Variants in MAPKAPK5 observed in about 807,000 individuals in gnomAD.
MAPKAPK5 encodes MAPK activated protein kinase 5.
A neutral mutation model predicts 65.1 loss-of-function variants in MAPKAPK5; 30 were observed. The observed-to-expected ratio is 0.46, with a 90% CI of 0.34 to 0.63. The LOEUF (loss-of-function observed/expected upper bound fraction) is 0.63, where lower values mean the gene tolerates loss of function less well. MAPKAPK5 is among the 20% of genes least tolerant of loss of function. The pLI is 0.01. For missense variants in MAPKAPK5, 433 were observed against 581.4 expected, an observed-to-expected ratio of 0.74 and a Z score of 2.63; for synonymous variants, 179 against 204.6, an observed-to-expected ratio of 0.87 and a Z score of 1.07.
At chr12:111,870,230 T>G in intron 5 of MAPKAPK5, 41 bp from the exon 6 acceptor site, 4 of 1,463,496 alleles carry the variant, frequency 2.7e-6, no homozygotes, top group Non-Finnish European at 3.8e-6. Flanking sequence ...TAAAGAGTGG[T>G]CTTTTCTAAG....
At chr12:111,844,135 G>T (rs566581482) in intron 1 of MAPKAPK5, among the ~76,000 whole-genome samples, 38 of 151,368 alleles carry the variant, frequency 2.5e-4, no homozygotes, top group African/African-American at 8.7e-4. Flanking sequence ...GGAAGACGAG[G>T]TTTTAAATCA....
In MAPKAPK5 at chr12:111,883,884, A is replaced by G. The variant is rs1184424282; in HGVS notation, c.848+116A>G. The G allele has an allele frequency of 9.7e-7, 1 of 1,027,354 alleles. No individual in the cohort carries two copies. Among genetic ancestry groups the G allele is most frequent in the Non-Finnish European group, 1.4e-6 (1 of 719,798 alleles). The allele number at this position is 1,027,354 out of a possible 1,614,324, so 63.6% of individuals were successfully genotyped here. Reference sequence around the variant, plus strand: ...CCTAGGCAGGCTCCTCCCCGTTTTAATATCACAGAAATCTCTCTGGAGCCT... The same window carrying G: ...CCTAGGCAGGCTCCTCCCCGTTTTAGTATCACAGAAATCTCTCTGGAGCCT... On this transcript the variant is annotated intron_variant, in intron 9 of 13. Transcript: ENST00000550735. The surrounding 1 kb of genome is among the most constrained non-coding windows in gnomAD (Gnocchi z 4.8).
intron 7 of MAPKAPK5, among the ~76,000 whole-genome samples, chr12:111,877,811 G>T (rs922587333): frequency 1.3e-5 from 2 of 152,044 alleles, no homozygotes; most frequent in Non-Finnish European, 2.9e-5. Context: ...CTCCTTAGGA[G>T]CTGGGACCAT....
At chr12:111,848,476 C>T (rs561580079) in intron 1 of MAPKAPK5, among the ~76,000 whole-genome samples, 8 of 149,628 alleles carry the variant, frequency 5.3e-5, no homozygotes, top group African/African-American at 1.7e-4. Flanking sequence ...CACAGTGGCA[C>T]GATCTCGGCT....
At position 111,892,923 on chromosome 12, in the gene MAPKAPK5, C is replaced by T. The variant is rs370536412; in HGVS notation, c.1322-44C>T. The T allele has an allele frequency of 2.8e-6, 4 of 1,440,028 alleles. No homozygotes were observed. The African/African-American group carries it at 5.7e-5, about 20-fold the overall frequency. 89.2% of individuals were successfully genotyped at this position (1,440,028 alleles called of 1,614,324 possible). A position where few individuals can be genotyped will look rare whatever the true frequency, so the allele number is the denominator to read the frequency against. ...GGTCTCTGTCAAGAGTCTGCCACCT[C>T]TCAAAGAATTTGAGGACTGACCTTG... On this transcript the variant is annotated intron_variant, in intron 13 of 13. Transcript: ENST00000550735.
At chr12:111,874,093 A>G (rs2069872379) in intron 7 of MAPKAPK5, among the ~76,000 whole-genome samples, 1 of 152,126 alleles carries the variant, frequency 6.6e-6, no homozygotes, top group South Asian at 2.1e-4. Flanking sequence ...GCTGTTGGAA[A>G]TGATATTGTA....
At chr12:111,842,831 C>G in intron 1 of MAPKAPK5, 62 bp downstream of exon 1, 1 of 1,264,186 alleles carries the variant, frequency 7.9e-7, no homozygotes, top group Non-Finnish European at 1.0e-6. Flanking sequence ...CGGCTCTAGC[C>G]TCAAAAAGCA....
At chr12:111,848,620 C>G (rs1297971607) in intron 1 of MAPKAPK5, among the ~76,000 whole-genome samples, 2 of 150,912 alleles carry the variant, frequency 1.3e-5, no homozygotes, top group Non-Finnish European at 2.9e-5. Context: ...ACCATGTTGG[C>G]CAGGCTGGTC....
In MAPKAPK5 at chr12:111,900,302, G is replaced by A. The variant is rs1365210469; in HGVS notation, c.*7241G>A. ...GTGGTGCCTGCTCAAGCGGTTTTGCGGCAGCTGTTGAATCCTTCCATCATG... is the reference window on the plus strand; with the variant it reads ...GTGGTGCCTGCTCAAGCGGTTTTGCAGCAGCTGTTGAATCCTTCCATCATG... On this transcript the variant is annotated 3_prime_UTR_variant, in exon 14 of 14. Coordinates refer to ENST00000550735, the MANE Select transcript of MAPKAPK5 (RefSeq NM_003668.4). 5 of 455,894 alleles carry A rather than the reference G, an allele frequency of 1.1e-5. No individual in the cohort carries two copies. Among genetic ancestry groups the A allele is most frequent in the African/African-American group, 2.0e-5 (1 of 50,054 alleles). 28.2% of individuals were successfully genotyped at this position (455,894 alleles called of 1,614,324 possible).
chr12:111,870,244 C>T (rs1430403674), intron 5 of MAPKAPK5, 27 bp from the exon 6 acceptor site: 13 of 1,542,816 alleles, frequency 8.4e-6, no homozygotes, highest in South Asian at 2.3e-5. Context: ...TTCTAAGAAG[C>T]GACTGTTTCA....
In MAPKAPK5 at chr12:111,893,775, G is replaced by C. The variant is rs565175839; in HGVS notation, c.*714G>C. On this transcript the variant is annotated 3_prime_UTR_variant, in exon 14 of 14. Coordinates refer to ENST00000550735, the MANE Select transcript of MAPKAPK5 (RefSeq NM_003668.4). ...TTGTAGTGGAGGCTGGAGTACAGTG[G>C]CACTATCTCCGCTCACTGCAACCTC... is the stretch of plus-strand genomic sequence containing the variant. 1 of 150,368 alleles carries C rather than the reference G, an allele frequency of 6.7e-6. No individual in the cohort carries two copies. The highest frequency in any genetic ancestry group is 2.5e-5 in the African/African-American group (1 of 40,780). The allele number at this position is 150,368 out of a possible 1,614,324, so 9.3% of individuals were successfully genotyped here.
At chr12:111,870,446 G>C (rs1041307662) in intron 6 of MAPKAPK5, 86 bp downstream of exon 6, 2 of 1,112,846 alleles carry the variant, frequency 1.8e-6, no homozygotes, top group African/African-American at 3.1e-5. Flanking sequence ...CTGAATTCAT[G>C]GTGAAAAAGC....
intron 3 of MAPKAPK5, among the ~76,000 whole-genome samples, chr12:111,867,220 C>T (rs2069643512): frequency 6.6e-6 from 1 of 152,086 alleles, no homozygotes; most frequent in Non-Finnish European, 1.5e-5. Context: ...GAGCCACTGC[C>T]CCTGGTTATA....
intron 1 of MAPKAPK5, among the ~76,000 whole-genome samples, chr12:111,862,989 TG>T (rs764640448): frequency 9.2e-5 from 14 of 152,006 alleles, no homozygotes; most frequent in Non-Finnish European, 1.6e-4. Context: ...GCAGGTTAAG[TG>T]GGTAGGTTTG....
chr12:111,853,506 T>C (rs139510016), intron 1 of MAPKAPK5, among the ~76,000 whole-genome samples: 146 of 152,304 alleles, frequency 9.6e-4, no homozygotes, highest in African/African-American at 3.1e-3. Context: ...CTAGTTCTTA[T>C]AGATCCCTTA....
chr12:111,870,566 G>A (rs1289802467), intron 6 of MAPKAPK5, among the ~76,000 whole-genome samples: 1 of 152,156 alleles, frequency 6.6e-6, no homozygotes, highest in African/African-American at 2.4e-5. Context: ...GGATGATACT[G>A]ATATGTATTT....
intron 13 of MAPKAPK5, among the ~76,000 whole-genome samples, chr12:111,891,377 CA>C (rs1347054210): frequency 6.6e-6 from 1 of 151,040 alleles, no homozygotes; most frequent in Non-Finnish European, 1.5e-5. Context: ...GCTGGGATTA[CA>C]GGTGTGAGCC....
chr12:111,858,148 T>A (rs545325682), intron 1 of MAPKAPK5, among the ~76,000 whole-genome samples: 82 of 152,222 alleles, frequency 5.4e-4, no homozygotes, highest in African/African-American at 1.9e-3. Context: ...CAAGTGATCC[T>A]CACCCTGCAG....
intron 12 of MAPKAPK5, 77 bp downstream of exon 12, chr12:111,889,077 C>T (rs1485220202): frequency 6.9e-7 from 1 of 1,449,374 alleles, no homozygotes; most frequent in African/African-American, 1.4e-5. Flanking sequence ...TGTATGCATG[C>T]ACATGGCAAA....
Sources: gnomAD v4.1 joint callset for allele counts (sites outside exome capture counted in the v4.1 genomes callset) on GRCh38, gnomAD v4.1.1 for gene constraint, Gnocchi (gnomAD v3.1) non-coding constraint, MANE v1.5 for transcripts, NCBI Gene and HGNC (gene_info 2026-07-23, HGNC 2026-07-21) for gene names.